NAALADL2: variants seen among roughly 807,000 people sequenced by gnomAD.
The protein encoded by NAALADL2 is N-acetylated alpha-linked acidic dipeptidase like 2, also known as inactive N-acetylated-alpha-linked acidic dipeptidase-like protein 2.
Under a neutral mutation model 87.2 loss-of-function variants are expected in NAALADL2, and 76 were observed. The observed-to-expected ratio is 0.87, with a 90% CI of 0.72 to 1.05. The LOEUF (loss-of-function observed/expected upper bound fraction) is 1.05. Among genes scored for constraint, NAALADL2 ranks in the 50% least tolerant of loss-of-function variants. The pLI is 0.00. For missense variants in NAALADL2, 1,089 were observed against 945.8 expected (o/e 1.15, Z -1.99); for synonymous variants, 354 against 331.0 (o/e 1.07, Z -0.75).
intron 1 of NAALADL2, among the ~76,000 whole-genome samples, chr3:174,897,945 C>G (rs969467955): frequency 1.4e-5 from 2 of 141,908 alleles, no homozygotes; most frequent in African/African-American, 5.9e-5. Flanking sequence ...AACCCCGTCT[C>G]TACTAAAAAT....
intron 13 of NAALADL2, among the ~76,000 whole-genome samples, chr3:175,779,062 T>C (rs1472123859): frequency 6.6e-6 from 1 of 151,838 alleles, no homozygotes; most frequent in Non-Finnish European, 1.5e-5. Flanking sequence ...GACAGAGGGG[T>C]GTGGGCTAGG....
intron 4 of NAALADL2, among the ~76,000 whole-genome samples, chr3:175,280,082 G>A (rs1754098191): frequency 6.6e-6 from 1 of 151,570 alleles, no homozygotes; most frequent in African/African-American, 2.4e-5. Context: ...AGAAGATCCT[G>A]GGAAACAGCA....
intron 9 of NAALADL2, among the ~76,000 whole-genome samples, chr3:175,528,581 C>T (rs1037294464): frequency 3.9e-5 from 6 of 152,090 alleles, no homozygotes; most frequent in African/African-American, 1.4e-4. Context: ...ATCACAAGTC[C>T]ACCCCTTGTC....
rs917991511 is a variant in NAALADL2 at position 175,056,957 on chromosome 3, A to AT, written c.44-39829dup. On this transcript the variant is annotated intron_variant, in intron 1 of 13. Coordinates refer to ENST00000454872, the MANE Select transcript of NAALADL2 (RefSeq NM_207015.3). ...ATGTACATGTCACAGTGCTTCAGAG[A>AT]TTTTGTTTATGGCCAGTTTTGGGGC... Among the ~76,000 whole-genome samples, 56 of 152,224 alleles carry AT rather than the reference A, an allele frequency of 3.7e-4. 1 individual carries two copies. Among genetic ancestry groups the AT allele is most frequent in the African/African-American group, 1.2e-3 (49 of 41,534 alleles).
chr3:175,126,207 G>A (rs1023461209), intron 2 of NAALADL2, among the ~76,000 whole-genome samples: 2 of 152,066 alleles, frequency 1.3e-5, no homozygotes, highest in African/African-American at 2.4e-5. Context: ...GGTGAGACCA[G>A]AAAAGAGGAA....
chr3:175,176,665 AATATGATG>A (rs1160649070), intron 2 of NAALADL2, among the ~76,000 whole-genome samples: 1 of 152,048 alleles, frequency 6.6e-6, no homozygotes, highest in Non-Finnish European at 1.5e-5. Flanking sequence ...CAGAGAGCAC[AATATGATG>A]ATGGAAGCAG....
At chr3:175,509,817 A>G (rs1321476020) in intron 9 of NAALADL2, among the ~76,000 whole-genome samples, 2 of 152,026 alleles carry the variant, frequency 1.3e-5, no homozygotes, top group Admixed American at 6.6e-5. Flanking sequence ...GCAGAACAGG[A>G]AGCAAACACA....
intron 4 of NAALADL2, among the ~76,000 whole-genome samples, chr3:175,277,339 G>A (rs1488027879): frequency 2.0e-5 from 3 of 152,050 alleles, no homozygotes; most frequent in African/African-American, 4.8e-5. Flanking sequence ...TTTGACTAAC[G>A]TATCTGATAA....
chr3:175,675,444 A>T (rs1271402863), intron 11 of NAALADL2: 1 of 152,210 alleles, frequency 6.6e-6, no homozygotes, highest in Non-Finnish European at 1.5e-5. Flanking sequence ...GACCAACTGG[A>T]ACAACTTGAG....
At chr3:175,594,886 A>T in intron 10 of NAALADL2, among the ~76,000 whole-genome samples, 1 of 152,036 alleles carries the variant, frequency 6.6e-6, no homozygotes, top group Non-Finnish European at 1.5e-5. Context: ...TTTCTTATAC[A>T]TTCTAGATAT....
intron 3 of NAALADL2, among the ~76,000 whole-genome samples, chr3:174,842,597 A>G (rs1277642634): frequency 6.6e-6 from 1 of 152,200 alleles, no homozygotes. Context: ...ATTGTATTTA[A>G]TGATTTTGTT....
chr3:175,258,943 A>G (rs1270692109), intron 4 of NAALADL2, among the ~76,000 whole-genome samples: 1 of 152,248 alleles, frequency 6.6e-6, no homozygotes, highest in Admixed American at 6.5e-5. Context: ...CACATGTGAC[A>G]GAGAGCCAGT....
intron 1 of NAALADL2, among the ~76,000 whole-genome samples, chr3:174,534,698 G>A (rs1003625341): frequency 1.3e-5 from 2 of 152,090 alleles, no homozygotes; most frequent in East Asian, 1.9e-4. Flanking sequence ...CCTGGCAAAA[G>A]TAATGGCGCC....
intron 2 of NAALADL2, among the ~76,000 whole-genome samples, chr3:174,676,398 T>C (rs772303130): frequency 7.4e-6 from 1 of 135,910 alleles, no homozygotes; most frequent in Non-Finnish European, 1.7e-5. Flanking sequence ...ATAGCCAGTA[T>C]TCTATGTGAG....
intron 9 of NAALADL2, among the ~76,000 whole-genome samples, chr3:175,557,932 C>T (rs1255467533): frequency 2.0e-5 from 3 of 152,066 alleles, no homozygotes; most frequent in Non-Finnish European, 2.9e-5. Flanking sequence ...CGGTGGCTCA[C>T]GCCTGTAATC....
At chr3:175,700,081 A>G (rs759473607) in intron 11 of NAALADL2, among the ~76,000 whole-genome samples, 9 of 152,122 alleles carry the variant, frequency 5.9e-5, no homozygotes, top group Non-Finnish European at 1.0e-4. Flanking sequence ...TATATTTGCA[A>G]TCAACTGTGT....
At position 175,324,061 on chromosome 3, in the gene NAALADL2, A is replaced by G. The variant is rs1760359909; in HGVS notation, c.940-114A>G. ...AAAAAAAAGAAAAAGAAAAAGAAAA[A>G]GAAAAAAAAACTGGAAAAAGAGTCA... On this transcript the variant is annotated intron_variant, in intron 4 of 13. Transcript: ENST00000454872. The G allele has an allele frequency of 5.2e-6, 4 of 776,266 alleles. No individual in the cohort carries two copies. In the East Asian group the frequency reaches 1.1e-4, roughly 22 times the overall value. 48.1% of individuals were successfully genotyped at this position (776,266 alleles called of 1,614,324 possible).
chr3:175,298,427 A>T (rs1490397055), intron 4 of NAALADL2, among the ~76,000 whole-genome samples: 1 of 152,194 alleles, frequency 6.6e-6, no homozygotes, highest in Non-Finnish European at 1.5e-5. Context: ...ATAAAAATCA[A>T]CAGACTTCTA....
chr3:175,500,734 G>C (rs1729426175), intron 9 of NAALADL2, among the ~76,000 whole-genome samples: 1 of 152,058 alleles, frequency 6.6e-6, no homozygotes. Flanking sequence ...GATGAAGAAA[G>C]TGGCGCATAG....
Sources: allele counts gnomAD v4.1 joint callset (sites outside exome capture counted in the v4.1 genomes callset), GRCh38; gene constraint gnomAD v4.1.1; transcripts MANE v1.5; gene names NCBI Gene and HGNC (gene_info 2026-07-23, HGNC 2026-07-21).